The following DNAJC6 variants were observed in gnomAD, a reference collection of about 807,000 sequenced individuals.
DNAJC6 encodes the protein auxilin.
In DNAJC6, 34 loss-of-function variants were observed where a neutral mutation model predicts 110.0. The observed-to-expected ratio is 0.31, with a 90% CI of 0.24 to 0.41. DNAJC6 has a LOEUF of 0.41. Ranked by LOEUF, DNAJC6 falls within the 10% of genes least tolerant of loss-of-function variation. The pLI is 1.00. For missense variants in DNAJC6, 1,031 were observed against 1,207.8 expected, an observed-to-expected ratio of 0.85 and a Z score of 2.17; for synonymous variants, 406 against 437.2, an observed-to-expected ratio of 0.93 and a Z score of 0.89.
chr1:65,272,411 T>C (rs563244347), intron 1 of DNAJC6, among the ~76,000 whole-genome samples: 5 of 152,386 alleles, frequency 3.3e-5, no homozygotes, highest in African/African-American at 1.2e-4. Context: ...GATATCTTTT[T>C]ATATATTGCT....
chr1:65,277,108 C>CTTA (rs889471769), intron 1 of DNAJC6, among the ~76,000 whole-genome samples: 22 of 152,232 alleles, frequency 1.4e-4, no homozygotes, highest in African/African-American at 5.3e-4. Flanking sequence ...ACAACCTACT[C>CTTA]TATTAAAGCT....
At chr1:65,324,560 TC>T (rs1273728662) in intron 1 of DNAJC6, among the ~76,000 whole-genome samples, 1 of 152,088 alleles carries the variant, frequency 6.6e-6, no homozygotes, top group Non-Finnish European at 1.5e-5. Context: ...GGTTTCACCA[TC>T]TTGGCCAGGC....
chr1:65,371,023 G>A (rs1570339328), intron 4 of DNAJC6, among the ~76,000 whole-genome samples: 1 of 152,228 alleles, frequency 6.6e-6, no homozygotes, highest in East Asian at 1.9e-4. Context: ...ACAATCCCTG[G>A]CCTGGGGGCC....
rs140968500 is a variant in DNAJC6, at chr1:65,361,195, A to G, written c.194-3440A>G. On this transcript the variant is annotated intron_variant, in intron 1 of 18. Transcript: ENST00000371069. ...TAATAACCACTTCCACTCTCCCGCT[A>G]TATGAAACTGTACTATCATAAAGGT... Among the ~76,000 whole-genome samples, 613 of 152,298 alleles carry G rather than the reference A, an allele frequency of 4.0e-3. 8 individuals carry two copies. The highest frequency in any genetic ancestry group is 0.014 in the African/African-American group (583 of 41,566).
intron 5 of DNAJC6, among the ~76,000 whole-genome samples, chr1:65,380,922 T>G (rs1360104957): frequency 8.0e-5 from 10 of 125,028 alleles, no homozygotes; most frequent in African/African-American, 3.6e-4. Context: ...TTTTGTTTTG[T>G]TTTTTTTTTT....
At chr1:65,279,040 C>G in intron 1 of DNAJC6, 1 of 985,378 alleles carries the variant, frequency 1.0e-6, no homozygotes, top group Non-Finnish European at 1.2e-6. Context: ...ATACTTGTTT[C>G]ATCACCTAAG....
intron 1 of DNAJC6, among the ~76,000 whole-genome samples, chr1:65,270,922 G>T (rs536648873): frequency 2.8e-4 from 42 of 152,158 alleles, no homozygotes; most frequent in Non-Finnish European, 4.7e-4. Flanking sequence ...CAAGTGATCC[G>T]CCACCTTTGG....
rs370730555 is a variant in DNAJC6 at position 65,382,448 on chromosome 1, T to G, written c.667-1745T>G. ...TTTGATGAAGATGTGGAAATTCAGCTTATCAATTTTCTTAGAATTATAAGG... is the reference window on the plus strand; with the variant it reads ...TTTGATGAAGATGTGGAAATTCAGCGTATCAATTTTCTTAGAATTATAAGG... On this transcript the variant is annotated intron_variant, in intron 5 of 18. Coordinates refer to ENST00000371069, the MANE Select transcript of DNAJC6 (RefSeq NM_001256864.2). Among the ~76,000 whole-genome samples, 281 of 152,334 alleles carry G rather than the reference T, an allele frequency of 1.8e-3. 2 individuals carry two copies. Among genetic ancestry groups the G allele is most frequent in the African/African-American group, 6.5e-3 (270 of 41,572 alleles).
At chr1:65,308,998 T>C (rs1457061059), upstream of DNAJC6, among the ~76,000 whole-genome samples, 1 of 152,228 alleles carries the variant, frequency 6.6e-6, no homozygotes, top group Non-Finnish European at 1.5e-5. Flanking sequence ...CATAGATATA[T>C]TCTGGCACTT....
intron 1 of DNAJC6, among the ~76,000 whole-genome samples, chr1:65,282,990 T>A (rs530898069): frequency 1.3e-5 from 2 of 152,324 alleles, no homozygotes; most frequent in East Asian, 3.9e-4. Flanking sequence ...TTTGAAATAA[T>A]CATAGATTTG....
At chr1:65,277,850 C>G (rs1394384909) in intron 1 of DNAJC6, among the ~76,000 whole-genome samples, 1 of 152,092 alleles carries the variant, frequency 6.6e-6, no homozygotes, top group Admixed American at 6.5e-5. Context: ...GTCTCCTGGT[C>G]GAAGAGACGT....
intron 4 of DNAJC6, among the ~76,000 whole-genome samples, chr1:65,367,854 C>T (rs1049542581): frequency 2.1e-5 from 3 of 145,300 alleles, no homozygotes; most frequent in African/African-American, 7.8e-5. Context: ...CTCTTACTTG[C>T]CCTAGAAGAG....
intron 12 of DNAJC6, 64 bp from the exon 13 acceptor site, chr1:65,394,834 A>G: frequency 6.6e-7 from 1 of 1,511,150 alleles, no homozygotes. Flanking sequence ...GGAAGTGACA[A>G]TTCTGTGACA....
chr1:65,286,727 C>T (rs1460309742), intron 1 of DNAJC6, among the ~76,000 whole-genome samples: 1 of 152,150 alleles, frequency 6.6e-6, no homozygotes, highest in Non-Finnish European at 1.5e-5. Flanking sequence ...GTTACTAATA[C>T]ATTTGAGAAA....
rs564539534 is a variant in DNAJC6 at position 65,390,020 on chromosome 1, T to A, written c.1468+393T>A. Among the ~76,000 whole-genome samples, 9 of 152,240 alleles carry A rather than the reference T, an allele frequency of 5.9e-5. No individual in the cohort carries two copies. The South Asian group carries it at 1.9e-3, about 32-fold the overall frequency. On this transcript the variant is annotated intron_variant, in intron 11 of 18. Transcript: ENST00000371069. The stretch of plus-strand genomic sequence containing the variant: ...AGAGCAAAACTCCATCTCTAAAAAA[T>A]TTTTTAAAAGACATCATTCAAGTTT...
At position 65,326,780 on chromosome 1, in the gene DNAJC6, A is replaced by G. The variant is rs545132984; in HGVS notation, c.193+16842A>G. Among the ~76,000 whole-genome samples, 5 of 152,310 alleles carry G rather than the reference A, an allele frequency of 3.3e-5. No individual in the cohort carries two copies. In the South Asian group the frequency reaches 6.2e-4, roughly 19 times the overall value. On this transcript the variant is annotated intron_variant, in intron 1 of 18. Transcript: ENST00000371069. ...GCTTCCTCAGAGGTCCTGAATTTCTATGCCACTGCTTAAAGCAACCAGTTC... is the reference window on the plus strand; with the variant it reads ...GCTTCCTCAGAGGTCCTGAATTTCTGTGCCACTGCTTAAAGCAACCAGTTC...
At chr1:65,356,786 G>C (rs909162280) in intron 1 of DNAJC6, among the ~76,000 whole-genome samples, 2 of 151,920 alleles carry the variant, frequency 1.3e-5, no homozygotes, top group African/African-American at 4.8e-5. Context: ...GCCTAGAGGA[G>C]TAAAATGACA....
upstream of DNAJC6, among the ~76,000 whole-genome samples, chr1:65,305,506 G>A (rs150628296): frequency 1.2e-4 from 18 of 152,064 alleles, no homozygotes; most frequent in East Asian, 9.6e-4. Context: ...TTTACTCATC[G>A]GCTACAGCAT....
chr1:65,340,460 G>T (rs1454656060), intron 1 of DNAJC6, among the ~76,000 whole-genome samples: 3 of 152,162 alleles, frequency 2.0e-5, no homozygotes, highest in Admixed American at 2.0e-4. Flanking sequence ...CGATTGCACT[G>T]AGACCTCTAC....
Sources: allele counts gnomAD v4.1 joint callset (sites outside exome capture counted in the v4.1 genomes callset), GRCh38; gene constraint gnomAD v4.1.1; transcripts MANE v1.5; gene names NCBI Gene and HGNC (gene_info 2026-07-23, HGNC 2026-07-21).